The following KCNN2 variants were observed in gnomAD, a reference collection of about 807,000 sequenced individuals.
KCNN2 encodes potassium calcium-activated channel subfamily N member 2.
Under a neutral mutation model 55.5 loss-of-function variants are expected in KCNN2, and 24 were observed. The ratio of observed to expected loss-of-function variants is 0.43; its 90% confidence interval spans 0.31 to 0.61. The LOEUF (loss-of-function observed/expected upper bound fraction) is 0.61, where lower values mean the gene tolerates loss of function less well. KCNN2 is among the 20% of genes least tolerant of loss of function. The probability of loss-of-function intolerance (pLI) is 0.08; values close to 1 mark genes in which losing one functional copy is unlikely to be tolerated. For synonymous variants in KCNN2, 431 were observed against 336.1 expected, an observed-to-expected ratio of 1.28 and a Z score of -3.09; for missense variants, 754 against 853.6, an observed-to-expected ratio of 0.88 and a Z score of 1.45.
intron 1 of KCNN2, among the ~76,000 whole-genome samples, chr5:114,180,205 T>C (rs1753213052): frequency 6.6e-6 from 1 of 152,186 alleles, no homozygotes; most frequent in Admixed American, 6.5e-5. Context: ...AAAATCCATA[T>C]AGACATTTTT....
At chr5:114,245,799 A>G (rs1754738708) in intron 2 of KCNN2, among the ~76,000 whole-genome samples, 1 of 152,186 alleles carries the variant, frequency 6.6e-6, no homozygotes, top group African/African-American at 2.4e-5. Context: ...AAGGGCCTTT[A>G]GCAAGTTGGA....
At chr5:114,350,397 C>T (rs907923359) in intron 2 of KCNN2, among the ~76,000 whole-genome samples, 13 of 151,954 alleles carry the variant, frequency 8.6e-5, no homozygotes, top group Non-Finnish European at 1.6e-4. Context: ...AATATTTTCT[C>T]CCATTCTGTA....
intron 5 of KCNN2, among the ~76,000 whole-genome samples, chr5:114,482,225 G>C (rs1762259970): frequency 1.3e-5 from 2 of 152,088 alleles, no homozygotes; most frequent in Admixed American, 1.3e-4. Context: ...GACATGAACA[G>C]ACACGTCTTA....
intron 3 of KCNN2, among the ~76,000 whole-genome samples, chr5:114,431,724 A>G (rs1017323867): frequency 6.6e-6 from 1 of 152,034 alleles, no homozygotes; most frequent in Non-Finnish European, 1.5e-5. Flanking sequence ...AGTGCTATAA[A>G]TTTCCTTCCA....
At chr5:114,148,761 G>C (rs1237025106) in intron 1 of KCNN2, among the ~76,000 whole-genome samples, 1 of 152,128 alleles carries the variant, frequency 6.6e-6, no homozygotes, top group Non-Finnish European at 1.5e-5. Context: ...GGAGGGAGGG[G>C]ATCATCACCA....
intron 1 of KCNN2, among the ~76,000 whole-genome samples, chr5:114,213,985 G>A (rs1188234718): frequency 6.6e-6 from 1 of 151,984 alleles, no homozygotes; most frequent in African/African-American, 2.4e-5. Context: ...CCTGAGCTAA[G>A]TGCTTCACAT....
chr5:114,336,881 A>G (rs1454790207), intron 2 of KCNN2, among the ~76,000 whole-genome samples: 1 of 152,120 alleles, frequency 6.6e-6, no homozygotes, highest in Non-Finnish European at 1.5e-5. Flanking sequence ...GAGCAAGGGG[A>G]AGAGAGGCAC....
intron 2 of KCNN2, among the ~76,000 whole-genome samples, chr5:114,343,587 G>T (rs1166226488): frequency 1.3e-5 from 2 of 152,076 alleles, no homozygotes; most frequent in South Asian, 4.1e-4. Flanking sequence ...AAAGGAGAGA[G>T]GGGCAAAAGA....
rs1408946903 is a variant in KCNN2 at position 114,381,013 on chromosome 5, C to G, written c.1218+17012C>G. On this transcript the variant is annotated intron_variant, in intron 2 of 7. Transcript: ENST00000673685. ...TGCGTCATGGCCATTTAAATAGTCA[C>G]TGTGTTTTCATCTGTGGTGTGGGGG... Among the ~76,000 whole-genome samples, 4 of 152,144 alleles carry G rather than the reference C, an allele frequency of 2.6e-5. No individual in the cohort carries two copies. The East Asian group carries it at 7.7e-4, about 29-fold the overall frequency.
chr5:114,113,521 A>C (rs1203904965), intron 1 of KCNN2, among the ~76,000 whole-genome samples: 2 of 152,088 alleles, frequency 1.3e-5, no homozygotes, highest in Non-Finnish European at 2.9e-5. Context: ...GAGAAAAGGC[A>C]AAAAAATTTT....
At chr5:114,460,935 C>T (rs1561398205) in intron 3 of KCNN2, among the ~76,000 whole-genome samples, 2 of 152,330 alleles carry the variant, frequency 1.3e-5, no homozygotes, top group Non-Finnish European at 2.9e-5. Context: ...TGCCTCCCCT[C>T]TCTTTACAGA....
intron 1 of KCNN2, among the ~76,000 whole-genome samples, chr5:114,187,506 C>CTTTT (rs34325633): frequency 1.1e-4 from 14 of 126,594 alleles, no homozygotes; most frequent in South Asian, 7.7e-4. Context: ...GTATCTCTGG[C>CTTTT]TTTTTTTTTT....
At chr5:114,244,233 G>A (rs541775050) in intron 2 of KCNN2, among the ~76,000 whole-genome samples, 4 of 152,194 alleles carry the variant, frequency 2.6e-5, no homozygotes, top group East Asian at 1.9e-4. Flanking sequence ...GTTGGAGCAC[G>A]CAGTAAACAG....
chr5:114,334,426 G>A (rs1400539694), intron 2 of KCNN2, among the ~76,000 whole-genome samples: 3 of 151,908 alleles, frequency 2.0e-5, no homozygotes, highest in East Asian at 1.9e-4. Context: ...GGCAAAGAAC[G>A]TGGATAGACA....
intron 3 of KCNN2, among the ~76,000 whole-genome samples, chr5:114,452,087 A>G (rs768746408): frequency 1.3e-5 from 2 of 152,172 alleles, no homozygotes; most frequent in Admixed American, 6.5e-5. Flanking sequence ...TTATAGGGAA[A>G]AAATAGGAGT....
chr5:114,363,819 C>T (rs1757523551), intron 1 of KCNN2, 87 bp from the exon 2 acceptor site: 2 of 893,670 alleles, frequency 2.2e-6, no homozygotes, highest in Non-Finnish European at 3.7e-6. Context: ...TCAGGTCCAC[C>T]TGTGGGGGAC....
At chr5:114,465,627 AAGAG>A (rs1221153725) in intron 4 of KCNN2, among the ~76,000 whole-genome samples, 2 of 152,006 alleles carry the variant, frequency 1.3e-5, no homozygotes, top group African/African-American at 2.4e-5. Flanking sequence ...AAAAAAAAAA[AAGAG>A]AGAGGTTATA....
At chr5:114,260,381 T>C (rs896665360) in intron 2 of KCNN2, among the ~76,000 whole-genome samples, 2 of 152,238 alleles carry the variant, frequency 1.3e-5, no homozygotes, top group Non-Finnish European at 2.9e-5. Flanking sequence ...ATTGTATGTA[T>C]CTCATTTCTT....
intron 1 of KCNN2, among the ~76,000 whole-genome samples, chr5:114,149,690 A>G (rs1298491827): frequency 6.6e-6 from 1 of 152,228 alleles, no homozygotes; most frequent in African/African-American, 2.4e-5. Context: ...TGTGTGCATC[A>G]GTAATTTCTA....
Sources: allele counts gnomAD v4.1 joint callset (sites outside exome capture counted in the v4.1 genomes callset), GRCh38; gene constraint gnomAD v4.1.1; transcripts MANE v1.5; gene names NCBI Gene and HGNC (gene_info 2026-07-23, HGNC 2026-07-21).